The following FBXO41 variants were observed in gnomAD, a reference collection of about 807,000 sequenced individuals.
FBXO41 encodes F-box only protein 41.
FBXO41 carries 33 observed loss-of-function variants against 81.6 expected under a neutral mutation model. That is an observed-to-expected ratio of 0.40 (90% CI 0.31 to 0.54). The LOEUF is 0.54. Ranked by LOEUF, FBXO41 falls within the 20% of genes least tolerant of loss-of-function variation. The probability of loss-of-function intolerance (pLI) is 0.39; values close to 1 mark genes in which losing one functional copy is unlikely to be tolerated. For synonymous variants in FBXO41, 576 were observed against 552.7 expected (o/e 1.04, Z -0.59); for missense variants, 1,107 against 1,236.0 (o/e 0.90, Z 1.56).
rs72905388 is a variant in FBXO41 at position 73,270,669 on chromosome 2, C to T, written c.-138-901G>A. Among the ~76,000 whole-genome samples the T allele has an allele frequency of 5.7e-3, 861 of 152,162 alleles. 8 individuals carry two copies. Among genetic ancestry groups the T allele is most frequent in the African/African-American group, 0.019 (808 of 41,506 alleles). ...CCTTTACCCCAAGGGCTTTATTATC[C>T]ATCCTCCCCACACCCCTTTTGGCAC... On this transcript the variant is annotated intron_variant, in intron 1 of 12. Transcript: ENST00000520530.
intron 9 of FBXO41, among the ~76,000 whole-genome samples, chr2:73,262,991 C>T (rs557795955): frequency 2.0e-5 from 3 of 152,290 alleles, no homozygotes; most frequent in South Asian, 4.1e-4. Context: ...GTGATCCGCC[C>T]GACTCAGCCT....
chr2:73,278,044 C>T (rs1688745565), intron 1 of FBXO41, among the ~76,000 whole-genome samples: 1 of 152,192 alleles, frequency 6.6e-6, no homozygotes, highest in Non-Finnish European at 1.5e-5. Flanking sequence ...GGGTTGAGCA[C>T]ATTCCTCAAG....
chr2:73,264,575 A>ATG lies in FBXO41; in HGVS notation c.1565-58_1565-57dup, dbSNP rs1688160237. 5.6e-6 allele frequency: 9 copies of ATG among 1,602,796 alleles called. No individual in the cohort carries two copies. In the East Asian group the frequency reaches 2.0e-4, roughly 36 times the overall value. ...GTGGAGGGTCAAGGCTGGTGTGGGG[A>ATG]TGTGTGTGGGGAGCTGGGGCAGGGT... On this transcript the variant is annotated intron_variant, in intron 5 of 12. Transcript: ENST00000520530.
chr2:73,282,063 T>C (rs1275048127), intron 1 of FBXO41, among the ~76,000 whole-genome samples: 1 of 152,172 alleles, frequency 6.6e-6, no homozygotes, highest in Non-Finnish European at 1.5e-5. Flanking sequence ...GGCATGATCT[T>C]GGCTCACCCC....
rs1688441584 is a variant in FBXO41, at chr2:73,269,968, G to C, written c.-138-200C>G. ...AGACAGCGAGAGAATGAGATAATCT[G>C]TTTTTAAAGGGGCAGGCGCGTAATC... On this transcript the variant is annotated intron_variant, in intron 1 of 12. Transcript: ENST00000520530. This position sits in a 1 kb window ranked among gnomAD's most constrained non-coding sequence, Gnocchi z 7.0. Among the ~76,000 whole-genome samples the C allele has an allele frequency of 1.3e-5, 2 of 152,170 alleles. No individual in the cohort carries two copies. The highest frequency in any genetic ancestry group is 4.1e-4 in the South Asian group (2 of 4,826).
At chr2:73,274,568 A>G (rs1303281879) in intron 1 of FBXO41, among the ~76,000 whole-genome samples, 1 of 152,220 alleles carries the variant, frequency 6.6e-6, no homozygotes, top group African/African-American at 2.4e-5. Flanking sequence ...AAACAGTTAC[A>G]TATGTTTTCT....
chr2:73,263,646 G>A (rs776366662), intron 8 of FBXO41, 32 bp downstream of exon 8: 89 of 1,611,014 alleles, frequency 5.5e-5, no homozygotes, highest in Admixed American at 2.5e-4. Context: ...GGCTTAGAGG[G>A]AACAGGCCAT....
In FBXO41 at chr2:73,261,702, A is replaced by G. The variant is rs557007823; in HGVS notation, c.2172-844T>C. Among the ~76,000 whole-genome samples the G allele has an allele frequency of 1.1e-3, 175 of 152,318 alleles. 1 individual carries two copies. Among genetic ancestry groups the G allele is most frequent in the African/African-American group, 3.8e-3 (156 of 41,562 alleles). ...CAATACTTTCTAGATAAAATGCAAA[A>G]AAACCTAAATTCCTTAGCAAGGCCC... On this transcript the variant is annotated intron_variant, in intron 9 of 12. Transcript: ENST00000520530.
chr2:73,280,722 C>G (rs1007664661), intron 1 of FBXO41, among the ~76,000 whole-genome samples: 5 of 152,222 alleles, frequency 3.3e-5, no homozygotes, highest in Admixed American at 2.6e-4. Flanking sequence ...TCACTCCTTA[C>G]TGCACCTCTT....
rs1688279758 is a variant in FBXO41, at chr2:73,266,463, G to T, written c.1125C>A (p.Gly375=). ...AAGGCAGGTGGGCACTCACCATTCT[G>T]CCTGGGCCCCGGGCATTGGGTCCAG... The part of the protein sequence containing the change: ...GGAGPNARGP[G]RMREHHVGPA... Residue 375 remains glycine (G), a synonymous_variant, in exon 3 of 13, where the codon GGC becomes GGA. Coordinates refer to ENST00000520530, the MANE Select transcript of FBXO41 (RefSeq NM_001371389.2). This position sits in a 1 kb window ranked among gnomAD's most constrained non-coding sequence, Gnocchi z 5.3. The T allele has an allele frequency of 1.3e-6, 2 of 1,510,494 alleles. No homozygotes were observed. The highest frequency in any genetic ancestry group is 1.8e-6 in the Non-Finnish European group (2 of 1,122,390). The allele number at this position is 1,510,494 out of a possible 1,614,324, so 93.6% of individuals were successfully genotyped here. A position where few individuals can be genotyped will look rare whatever the true frequency, so the allele number is the denominator to read the frequency against.
chr2:73,263,816 G>C lies in FBXO41; in HGVS notation c.1937C>G (p.Ala646Gly). The part of the protein sequence containing the change: ...YARSTRGCLE[A>G]GLESLLKAAG... Reference sequence around the variant, plus strand: ...TGCCTTCAGCAGGGACTCCAGCCCAGCTTCCAGGCAGCCCCTGGGGATGAC... The same window carrying C: ...TGCCTTCAGCAGGGACTCCAGCCCACCTTCCAGGCAGCCCCTGGGGATGAC... The change falls in exon 8 of 13, where the codon GCT becomes GGT. Residue 646 changes from alanine to glycine, a missense_variant. Physicochemically the swap from Ala to Gly is moderately conservative, Grantham distance 60 (BLOSUM62 0). This residue lies in a region of FBXO41 where 336 missense variants were observed against 446.7 expected (regional missense o/e 0.75). Transcript: ENST00000520530. 1.2e-6 allele frequency: 2 copies of C among 1,614,048 alleles called. No homozygotes were observed. The highest frequency in any genetic ancestry group is 2.7e-5 in the African/African-American group (2 of 75,058).
At position 73,265,304 on chromosome 2, in the gene FBXO41, T is replaced by C. The variant is rs369039425; in HGVS notation, c.1542A>G (p.Pro514=). The C allele has an allele frequency of 2.5e-6, 4 of 1,608,324 alleles. No individual in the cohort carries two copies. The highest frequency in any genetic ancestry group is 1.7e-5 in the Admixed American group (1 of 59,876). Residue 514 remains proline (P), a synonymous_variant, in exon 5 of 13, where the codon CCA becomes CCG. Coordinates refer to ENST00000520530, the MANE Select transcript of FBXO41 (RefSeq NM_001371389.2). ...TACCTGAGAGCCGGCAGCTGCTCAA[T>C]GGCCCAGCCATAGCAGGCCCGGGGC... The part of the protein sequence containing the change: ...APRPGPAMAG[P]LSSCRLSARP...
In FBXO41 at chr2:73,269,283, G is replaced by T; in HGVS notation, c.348C>A (p.Ala116=). ...LHHHHHHAPL[A]HFPGDLVPAS... The stretch of plus-strand genomic sequence containing the variant: ...CGGGCACCAGGTCGCCGGGGAAGTG[G>T]GCGAGGGGAGCGTGGTGATGGTGGT... Residue 116 remains alanine, a synonymous_variant, in exon 2 of 13, where the codon GCC becomes GCA. Transcript: ENST00000520530. The surrounding 1 kb of genome is among the most constrained non-coding windows in gnomAD (Gnocchi z 7.0). The T allele has an allele frequency of 5.2e-6, 8 of 1,531,124 alleles. No individual in the cohort carries two copies. The highest frequency in any genetic ancestry group is 7.0e-6 in the Non-Finnish European group (8 of 1,139,226). The allele number at this position is 1,531,124 out of a possible 1,614,324, so 94.8% of individuals were successfully genotyped here. A position where few individuals can be genotyped will look rare whatever the true frequency, so the allele number is the denominator to read the frequency against.
chr2:73,270,210 A>G (rs1376362643), intron 1 of FBXO41, among the ~76,000 whole-genome samples: 1 of 152,198 alleles, frequency 6.6e-6, no homozygotes, highest in Non-Finnish European at 1.5e-5. Flanking sequence ...ATGGAGTTCA[A>G]GAACAGACAC....
chr2:73,264,343 A>G lies in FBXO41; in HGVS notation c.1741T>C (p.Phe581Leu). 6.2e-7 allele frequency: 1 copy of G among 1,613,702 alleles called. No individual in the cohort carries two copies. Among genetic ancestry groups the G allele is most frequent in the South Asian group, 1.1e-5 (1 of 91,090 alleles). Reference sequence around the variant, plus strand: ...CAGACTGCGGGGTGGCGGGCCACGAAGCGCCAGTCCCGGCAGACCTCGGCA... The same window carrying G: ...CAGACTGCGGGGTGGCGGGCCACGAGGCGCCAGTCCCGGCAGACCTCGGCA... The part of the protein sequence containing the change: ...HAAEVCRDWR[F>L]VARHPAVWTR... The change falls in exon 6 of 13, where the codon TTC becomes CTC. Residue 581 changes from phenylalanine (F) to leucine (L), a missense_variant. Phe to Leu is a conservative substitution (Grantham distance 22). Coordinates refer to ENST00000520530, the MANE Select transcript of FBXO41 (RefSeq NM_001371389.2).
chr2:73,269,225 C>A lies in FBXO41; in HGVS notation c.406G>T (p.Gly136Cys). 1.3e-6 allele frequency: 2 copies of A among 1,525,766 alleles called. No individual in the cohort carries two copies. Among genetic ancestry groups the A allele is most frequent in the Non-Finnish European group, 1.8e-6 (2 of 1,138,000 alleles). 94.5% of individuals were successfully genotyped at this position (1,525,766 alleles called of 1,614,324 possible). The change falls in exon 2 of 13, where the codon GGC (glycine) becomes TGC (cysteine). Residue 136 changes from glycine (G) to cysteine (C), a missense_variant. Gly to Cys is a radical substitution (Grantham distance 159). Transcript: ENST00000520530. This position sits in a 1 kb window ranked among gnomAD's most constrained non-coding sequence, Gnocchi z 7.0. ...SLPCEELAEP[G>C]LVPAAAARYA... is the part of the protein sequence containing the mutation. Reference sequence around the variant, plus strand: ...CGCGCTGCTGCGGCGGGCACAAGGCCCGGCTCGGCCAACTCCTCACAGGGC... The same window carrying A: ...CGCGCTGCTGCGGCGGGCACAAGGCACGGCTCGGCCAACTCCTCACAGGGC...
At chr2:73,265,137 C>T in intron 5 of FBXO41, 145 bp downstream of exon 5, 1 of 751,972 alleles carries the variant, frequency 1.3e-6, no homozygotes, top group South Asian at 1.9e-5. Flanking sequence ...GCAGCCCTGC[C>T]CTGTCACAAG....
intron 9 of FBXO41, among the ~76,000 whole-genome samples, chr2:73,262,226 A>G (rs1453199878): frequency 2.7e-5 from 3 of 112,720 alleles, no homozygotes; most frequent in Non-Finnish European, 5.3e-5. Context: ...CTGTCTCAAA[A>G]ACTAAATAAA....
At chr2:73,270,758 C>T (rs1688467953) in intron 1 of FBXO41, 1 of 531,202 alleles carries the variant, frequency 1.9e-6, no homozygotes, top group South Asian at 1.4e-5. Context: ...ACTCCTGCTG[C>T]CCCTCCATCT....
Sources: gnomAD v4.1 joint callset for allele counts (sites outside exome capture counted in the v4.1 genomes callset) on GRCh38, gnomAD v4.1.1 for gene constraint, gnomAD v4.1.1 regional missense constraint, Gnocchi (gnomAD v3.1) non-coding constraint, MANE v1.5 for transcripts, NCBI Gene and HGNC (gene_info 2026-07-23, HGNC 2026-07-21) for gene names.